PCDHGA6: variants seen among roughly 807,000 people sequenced by gnomAD.
PCDHGA6 encodes protocadherin gamma-A6.
A neutral mutation model predicts 60.6 loss-of-function variants in PCDHGA6; 41 were observed. The ratio of observed to expected loss-of-function variants is 0.68; its 90% CI spans 0.53 to 0.88. The LOEUF is 0.88. Ranked by LOEUF, PCDHGA6 falls within the 40% of genes least tolerant of loss-of-function variation. The pLI is 0.00. For missense variants in PCDHGA6, 1,312 were observed against 1,203.0 expected, an observed-to-expected ratio of 1.09 and a Z score of -1.34; for synonymous variants, 594 against 524.4, an observed-to-expected ratio of 1.13 and a Z score of -1.81.
chr5:141,399,396 G>C, intron 1 of PCDHGA6: 1 of 1,613,960 alleles, frequency 6.2e-7, no homozygotes, highest in Non-Finnish European at 8.5e-7. Flanking sequence ...CCACAGACAG[G>C]GGCAAGCCGC....
chr5:141,395,070 T>G lies in PCDHGA6; in HGVS notation c.2424+18563T>G. Reference sequence around the variant, plus strand: ...GGAGGTACAGGCTTTCCTGCAGACCTATTCCCAGGAAGTCTCCCTCACCGC... The same window carrying G: ...GGAGGTACAGGCTTTCCTGCAGACCGATTCCCAGGAAGTCTCCCTCACCGC... On this transcript the variant is annotated intron_variant, in intron 1 of 3. Transcript: ENST00000517434. 1 of 1,614,158 alleles carries G rather than the reference T, an allele frequency of 6.2e-7. No homozygotes were observed. The highest frequency in any genetic ancestry group is 1.3e-5 in the African/African-American group (1 of 75,046).
At chr5:141,483,291 A>T (rs767446911) in intron 1 of PCDHGA6, among the ~76,000 whole-genome samples, 4 of 152,126 alleles carry the variant, frequency 2.6e-5, no homozygotes, top group African/African-American at 4.8e-5. Flanking sequence ...TGTCAGTCAT[A>T]AGTGAAGGGA....
Position 141,432,057 on chromosome 5 carries a change from C to G in PCDHGA6, c.2424+55550C>G. On this transcript the variant is annotated intron_variant, in intron 1 of 3. Coordinates refer to ENST00000517434, the MANE Select transcript of PCDHGA6 (RefSeq NM_018919.3). This position sits in a 1 kb window ranked among gnomAD's most constrained non-coding sequence, Gnocchi z 6.0. The stretch of plus-strand genomic sequence containing the variant: ...ACTGACCGGGGAACCCCGCCCCTAT[C>G]CACGGAAACTCATATCTCGCTGAAC... 1 of 1,614,220 alleles carries G rather than the reference C, an allele frequency of 6.2e-7. No homozygotes were observed. The highest frequency in any genetic ancestry group is 8.5e-7 in the Non-Finnish European group (1 of 1,180,042).
intron 1 of PCDHGA6, among the ~76,000 whole-genome samples, chr5:141,425,696 A>G (rs1033976807): frequency 1.3e-4 from 20 of 152,242 alleles, no homozygotes; most frequent in African/African-American, 4.3e-4. Context: ...ATCATTTCAT[A>G]GTGGTCAAAA....
chr5:141,485,577 G>A lies in PCDHGA6; in HGVS notation c.2425-9230G>A. Reference sequence around the variant, plus strand: ...AATGATCACGCCCCCCGTTTTCCGCGGCAGCAGCTGGACTTGGAAATTGGG... The same window carrying A: ...AATGATCACGCCCCCCGTTTTCCGCAGCAGCAGCTGGACTTGGAAATTGGG... On this transcript the variant is annotated intron_variant, in intron 1 of 3. Transcript: ENST00000517434. This position sits in a 1 kb window ranked among gnomAD's most constrained non-coding sequence, Gnocchi z 5.7. 2 of 1,612,500 alleles carry A rather than the reference G, an allele frequency of 1.2e-6. No individual in the cohort carries two copies. Among genetic ancestry groups the A allele is most frequent in the Non-Finnish European group, 8.5e-7 (1 of 1,178,676 alleles).
intron 2 of PCDHGA6, among the ~76,000 whole-genome samples, chr5:141,501,110 G>A (rs1373404247): frequency 2.6e-5 from 4 of 151,908 alleles, no homozygotes; most frequent in Admixed American, 6.6e-5. Flanking sequence ...CTCGTGATCC[G>A]CCTGCCTCAG....
intron 1 of PCDHGA6, among the ~76,000 whole-genome samples, chr5:141,492,221 G>C (rs62379206): frequency 0.18 from 27,189 of 152,134 alleles, 2,633 homozygotes; most frequent in Admixed American, 0.28. Context: ...GGGCTCATGC[G>C]TGTCCTCCCT....
intron 1 of PCDHGA6, chr5:141,396,092 A>G (rs1589275874): frequency 6.6e-6 from 1 of 152,314 alleles, no homozygotes; most frequent in East Asian, 1.9e-4. Context: ...AAGTGGTGAG[A>G]ATGTTGATAT....
chr5:141,478,145 T>C (rs1252008984), intron 1 of PCDHGA6: 1 of 1,614,026 alleles, frequency 6.2e-7, no homozygotes. Context: ...CCGAGCCGAG[T>C]TCCCCTCTGG....
At chr5:141,415,709 C>A in intron 1 of PCDHGA6, 1 of 1,092,276 alleles carries the variant, frequency 9.2e-7, no homozygotes, top group Non-Finnish European at 1.3e-6. Context: ...AATGCTAAAA[C>A]ACTGATGAGT....
intron 1 of PCDHGA6, chr5:141,395,547 TGTGTGTGTGTGTGTGTG>T (rs2093270399): frequency 1.4e-4 from 25 of 174,246 alleles, no homozygotes; most frequent in Middle Eastern, 2.2e-3. Context: ...ATTGTTTGTG[TGTGTGTGTGTGTGTGTG>T]TGTGTGTGTG....
At chr5:141,386,384 A>G (rs1033532471) in intron 1 of PCDHGA6, among the ~76,000 whole-genome samples, 6 of 152,220 alleles carry the variant, frequency 3.9e-5, no homozygotes, top group Non-Finnish European at 8.8e-5. Flanking sequence ...TATTAATTAA[A>G]AACACACTTT....
Position 141,491,586 on chromosome 5 carries a change from G to T in PCDHGA6, c.2425-3221G>T, listed in dbSNP as rs373990387. ...ACAGGACGTGCTTTTCACCGGCCTC[G>T]GACGGCAGTGACTTCACTTTTCTAA... On this transcript the variant is annotated intron_variant, in intron 1 of 3. Transcript: ENST00000517434. This position sits in a 1 kb window ranked among gnomAD's most constrained non-coding sequence, Gnocchi z 6.9. 2.1e-5 allele frequency: 34 copies of T among 1,613,792 alleles called. No individual in the cohort carries two copies. In the African/African-American group the frequency reaches 2.4e-4, roughly 11 times the overall value.
At chr5:141,426,231 C>A in intron 1 of PCDHGA6, 1 of 158,042 alleles carries the variant, frequency 6.3e-6, no homozygotes, top group Non-Finnish European at 1.4e-5. Flanking sequence ...ATTTTAAAAG[C>A]ACTTTGTGAA....
rs922592733 is a variant in PCDHGA6 at position 141,487,979 on chromosome 5, C to T, written c.2425-6828C>T. Among the ~76,000 whole-genome samples the T allele has an allele frequency of 1.3e-5, 2 of 152,178 alleles. No individual in the cohort carries two copies. Among genetic ancestry groups the T allele is most frequent in the African/African-American group, 4.8e-5 (2 of 41,442 alleles). The stretch of plus-strand genomic sequence containing the variant: ...TGGACAAAGGTGGCTGTTTTCTCTA[C>T]TCTTCCTGAAAGAGGGGATCAGATT... On this transcript the variant is annotated intron_variant, in intron 1 of 3. Coordinates refer to ENST00000517434, the MANE Select transcript of PCDHGA6 (RefSeq NM_018919.3). The surrounding 1 kb of genome is among the most constrained non-coding windows in gnomAD (Gnocchi z 5.0).
intron 1 of PCDHGA6, chr5:141,404,643 AC>A (rs769032535): frequency 2.5e-6 from 4 of 1,614,126 alleles, no homozygotes; most frequent in East Asian, 4.5e-5. Flanking sequence ...GAAATCCTGT[AC>A]CCTGCCCTCC....
Position 141,413,628 on chromosome 5 carries a change from T to G in PCDHGA6, c.2424+37121T>G, listed in dbSNP as rs570797524. 4.3e-6 allele frequency: 7 copies of G among 1,613,878 alleles called. No homozygotes were observed. The African/African-American group carries it at 6.7e-5, about 15-fold the overall frequency. On this transcript the variant is annotated intron_variant, in intron 1 of 3. Coordinates refer to ENST00000517434, the MANE Select transcript of PCDHGA6 (RefSeq NM_018919.3). ...ACGTAAAAATTAATGAAAATGTCGC[T>G]GCGGGAATGCGTTTTCCTCTCCCGG...
In PCDHGA6 at chr5:141,374,719, T is replaced by C; in HGVS notation, c.636T>C (p.Leu212=). ...REGEAVYRLV[L]TAMDGGDPVR... ...GAGAAGCCGTTTACCGCCTGGTCCT[T>C]ACTGCCATGGATGGCGGCGACCCTG... Residue 212 remains leucine, a synonymous_variant, in exon 1 of 4, where the codon CTT becomes CTC. Transcript: ENST00000517434. The C allele has an allele frequency of 1.9e-6, 3 of 1,610,224 alleles. No homozygotes were observed. The highest frequency in any genetic ancestry group is 1.7e-6 in the Non-Finnish European group (2 of 1,178,050).
At chr5:141,458,028 G>A (rs1363025110) in intron 1 of PCDHGA6, among the ~76,000 whole-genome samples, 2 of 152,122 alleles carry the variant, frequency 1.3e-5, no homozygotes, top group African/African-American at 4.8e-5. Flanking sequence ...ATTGTGTTCT[G>A]TTGACAAAGA....
Sources: gnomAD v4.1 joint callset for allele counts (sites outside exome capture counted in the v4.1 genomes callset) on GRCh38, gnomAD v4.1.1 for gene constraint, Gnocchi (gnomAD v3.1) non-coding constraint, MANE v1.5 for transcripts, NCBI Gene and HGNC (gene_info 2026-07-23, HGNC 2026-07-21) for gene names.